The following RIOX2 variants were observed in gnomAD, a reference collection of about 807,000 sequenced individuals.
The protein encoded by RIOX2 is ribosomal oxygenase 2, also known as 60S ribosomal protein L27a histidine hydroxylase.
In RIOX2, 43 loss-of-function variants were observed where a neutral mutation model predicts 51.2. That is an observed-to-expected ratio of 0.84 (90% CI 0.66 to 1.08). RIOX2 has a LOEUF of 1.08. Ranked by LOEUF, RIOX2 falls within the 50% of genes least tolerant of loss-of-function variation. The pLI is 0.00. For synonymous variants in RIOX2, 226 were observed against 218.5 expected (o/e 1.03, Z -0.30); for missense variants, 566 against 561.7 (o/e 1.01, Z -0.08).
At chr3:97,962,148 G>C (rs1329006324) in intron 2 of RIOX2, among the ~76,000 whole-genome samples, 1 of 152,118 alleles carries the variant, frequency 6.6e-6, no homozygotes, top group Non-Finnish European at 1.5e-5. Flanking sequence ...AGGTAGAAGA[G>C]TGGGATGCAC....
chr3:97,947,598 AC>A lies in RIOX2; in HGVS notation c.1061-150del, dbSNP rs1031065365. On this transcript the variant is annotated intron_variant, in intron 7 of 9. Transcript: ENST00000394198. ...TACACTCCAACTGAAGAATTTGCTT[AC>A]CCCAACATTGTACTGATATTATAGT... The A allele has an allele frequency of 6.3e-6, 4 of 637,388 alleles. No homozygotes were observed. The Admixed American group carries it at 7.9e-5, about 13-fold the overall frequency. 39.5% of individuals were successfully genotyped at this position (637,388 alleles called of 1,614,324 possible). A position where few individuals can be genotyped will look rare whatever the true frequency, so the allele number is the denominator to read the frequency against.
At chr3:97,966,754 G>A (rs1264427716) in intron 2 of RIOX2, among the ~76,000 whole-genome samples, 4 of 152,122 alleles carry the variant, frequency 2.6e-5, no homozygotes, top group Admixed American at 6.5e-5. Context: ...AAGCAACTTC[G>A]GGAAAAAATG....
At chr3:97,946,475 A>C (rs1181735748) in intron 8 of RIOX2, among the ~76,000 whole-genome samples, 1 of 151,346 alleles carries the variant, frequency 6.6e-6, no homozygotes, top group Non-Finnish European at 1.5e-5. Context: ...GTCACCTCTT[A>C]GATAAGGGCA....
chr3:97,957,385 A>G lies in RIOX2; in HGVS notation c.681+1666T>C, dbSNP rs549222854. Among the ~76,000 whole-genome samples the G allele has an allele frequency of 3.0e-4, 45 of 151,714 alleles. 1 individual carries two copies. The highest frequency in any genetic ancestry group is 2.6e-4 in the Non-Finnish European group (18 of 67,950). ...GTGGTAGGCAGCTGTAATCCCAGCT[A>G]CTCGGGAGGCTGAGGCAGGAGAATT... On this transcript the variant is annotated intron_variant, in intron 4 of 9. Coordinates refer to ENST00000394198, the MANE Select transcript of RIOX2 (RefSeq NM_153182.4).
Position 97,950,809 on chromosome 3 carries a change from C to A in RIOX2, c.865G>T (p.Gly289Cys), listed in dbSNP as rs758683491. 1.9e-6 allele frequency: 3 copies of A among 1,613,614 alleles called. No individual in the cohort carries two copies. The South Asian group carries it at 3.3e-5, about 18-fold the overall frequency. ...ACCAGGAGCAGCTGCCGGGGTATGC[C>A]GGTCCGTAACTCCACGTCTTCCTTT... ...TAKEDVELRTGIPRQLLLQVE... is the reference protein window; with the variant it reads ...TAKEDVELRTCIPRQLLLQVE... The change falls in exon 6 of 10, where the codon GGC (glycine) becomes TGC (cysteine). Residue 289 changes from glycine (G) to cysteine (C), a missense_variant. Gly to Cys is a radical substitution (Grantham distance 159, BLOSUM62 -3). Coordinates refer to ENST00000394198, the MANE Select transcript of RIOX2 (RefSeq NM_153182.4).
rs371420324 is a variant in RIOX2, at chr3:97,967,358, G to A, written c.236C>T (p.Ser79Phe). 40 of 1,614,010 alleles carry A rather than the reference G, an allele frequency of 2.5e-5. No homozygotes were observed. Among genetic ancestry groups the A allele is most frequent in the Non-Finnish European group, 3.1e-5 (37 of 1,180,042 alleles). Residue 79 changes from serine (S) to phenylalanine (F), a missense_variant, in exon 2 of 10, where the codon TCC (serine) becomes TTC (phenylalanine). Coordinates refer to ENST00000394198, the MANE Select transcript of RIOX2 (RefSeq NM_153182.4). ...CTTCAGATCTGTTAGCTTGAACAGG[G>A]ACCCATAGTATGTGGCCAGTGCAGG... ...DDPALATYYG[S>F]LFKLTDLKSL...
At chr3:97,951,061 T>C in intron 5 of RIOX2, 173 bp from the exon 6 acceptor site, 2 of 564,398 alleles carry the variant, frequency 3.5e-6, no homozygotes, top group Admixed American at 6.1e-5. Context: ...ATCTAAGACC[T>C]TCATCAACCA....
chr3:97,951,226 G>A (rs6776953), intron 5 of RIOX2: 3,289 of 224,926 alleles, frequency 0.015, 108 homozygotes, highest in African/African-American at 0.07. Flanking sequence ...TAACAAAAGT[G>A]TCTATGAGGG....
At chr3:97,959,909 C>T (rs1486454078) in intron 3 of RIOX2, among the ~76,000 whole-genome samples, 7 of 152,142 alleles carry the variant, frequency 4.6e-5, no homozygotes, top group Non-Finnish European at 1.5e-5. Context: ...CTTAAAGATG[C>T]AATATGGAAT....
At chr3:97,948,480 A>G (rs2040411358) in intron 7 of RIOX2, among the ~76,000 whole-genome samples, 2 of 152,172 alleles carry the variant, frequency 1.3e-5, no homozygotes, top group African/African-American at 4.8e-5. Flanking sequence ...ATGATAGGTC[A>G]AAACAAAACA....
intron 8 of RIOX2, 100 bp downstream of exon 8, chr3:97,947,260 TC>T (rs1353867871): frequency 2.4e-6 from 2 of 840,040 alleles, no homozygotes; most frequent in Non-Finnish European, 4.0e-6. Context: ...GCAGGTGGAT[TC>T]CTAAAGAAGG....
Position 97,967,511 on chromosome 3 carries a change from C to G in RIOX2, c.83G>C (p.Gly28Ala). The G allele has an allele frequency of 6.2e-7, 1 of 1,614,140 alleles. No individual in the cohort carries two copies. The highest frequency in any genetic ancestry group is 8.5e-7 in the Non-Finnish European group (1 of 1,180,030). ...PCKQMKLEAA[G>A]GPSALNFDSP... ...GTCAAAGTTTAAAGCTGAAGGCCCCCCAGCTGCTTCTAACTTCATCTGCTT... is the reference window on the plus strand; with the variant it reads ...GTCAAAGTTTAAAGCTGAAGGCCCCGCAGCTGCTTCTAACTTCATCTGCTT... Residue 28 changes from glycine to alanine, a missense_variant, in exon 2 of 10, where the codon GGG (glycine) becomes GCG (alanine). By Grantham distance (60) the Gly-to-Ala change is moderately conservative. Coordinates refer to ENST00000394198, the MANE Select transcript of RIOX2 (RefSeq NM_153182.4).
intron 7 of RIOX2, 53 bp downstream of exon 7, chr3:97,949,791 G>A (rs553024959): frequency 1.8e-4 from 283 of 1,544,836 alleles, no homozygotes; most frequent in East Asian, 1.7e-3. Context: ...CAGAAAAACC[G>A]TAAACATCCT....
At chr3:97,962,758 C>A (rs1705735784) in intron 2 of RIOX2, among the ~76,000 whole-genome samples, 1 of 152,176 alleles carries the variant, frequency 6.6e-6, no homozygotes, top group African/African-American at 2.4e-5. Flanking sequence ...CTCACAATAA[C>A]CCTGCCTCAT....
chr3:97,972,035 G>C (rs1013541090), intron 1 of RIOX2: 1 of 152,238 alleles, frequency 6.6e-6, no homozygotes, highest in African/African-American at 2.4e-5. Context: ...GCGGAGGCCG[G>C]CACCACCCTC....
rs755493846 is a variant in RIOX2 at position 97,961,631 on chromosome 3, G to A, written c.510C>T (p.Pro170=). Reference sequence around the variant, plus strand: ...GGGGCGGCAGGCCCTGAGATCCTGCGGGAGTTATGTACACATTCGAGCCAA... The same window carrying A: ...GGGGCGGCAGGCCCTGAGATCCTGCAGGAGTTATGTACACATTCGAGCCAA... The part of the protein sequence containing the change: ...SLVGSNVYIT[P]AGSQGLPPHY... The change falls in exon 3 of 10, where the codon CCC becomes CCT. Residue 170 remains proline, a synonymous_variant. Coordinates refer to ENST00000394198, the MANE Select transcript of RIOX2 (RefSeq NM_153182.4). The A allele has an allele frequency of 6.8e-6, 11 of 1,611,770 alleles. No homozygotes were observed. Among genetic ancestry groups the A allele is most frequent in the South Asian group, 3.3e-5 (3 of 90,654 alleles).
intron 4 of RIOX2, among the ~76,000 whole-genome samples, chr3:97,955,958 CAAT>C (rs541553585): frequency 9.1e-4 from 138 of 152,174 alleles, no homozygotes; most frequent in African/African-American, 3.2e-3. Flanking sequence ...ACAGTATAAA[CAAT>C]AATAAATGGT....
At chr3:97,956,018 T>C (rs1026155625) in intron 4 of RIOX2, among the ~76,000 whole-genome samples, 1 of 152,232 alleles carries the variant, frequency 6.6e-6, no homozygotes, top group Non-Finnish European at 1.5e-5. Context: ...CCGTCAGTGA[T>C]GGTAAGTGAA....
In RIOX2 at chr3:97,943,257, T is replaced by A; in HGVS notation, c.*1927A>T. 6.3e-7 allele frequency: 1 copy of A among 1,591,722 alleles called. No individual in the cohort carries two copies. Among genetic ancestry groups the A allele is most frequent in the Non-Finnish European group, 8.6e-7 (1 of 1,162,378 alleles). On this transcript the variant is annotated 3_prime_UTR_variant, in exon 10 of 10. Transcript: ENST00000394198. ...ATTATTGTGACAAGACTCATGTAAT[T>A]GTAAATCAGCCCCTGGAGGGAGAAG...
Sources: allele counts gnomAD v4.1 joint callset (sites outside exome capture counted in the v4.1 genomes callset), GRCh38; gene constraint gnomAD v4.1.1; transcripts MANE v1.5; gene names NCBI Gene and HGNC (gene_info 2026-07-23, HGNC 2026-07-21).